Variants in RC3H2 observed in about 807,000 individuals in gnomAD.
RC3H2 encodes the protein ring finger and CCCH-type domains 2.
A neutral mutation model predicts 133.3 loss-of-function variants in RC3H2; 31 were observed. That is an observed-to-expected ratio of 0.23 (90% CI 0.17 to 0.31). RC3H2 has a LOEUF of 0.31. Among genes scored for constraint, RC3H2 ranks in the 10% least tolerant of loss-of-function variants. The probability of loss-of-function intolerance (pLI) is 1.00; values close to 1 mark genes in which losing one functional copy is unlikely to be tolerated. For synonymous variants in RC3H2, 517 were observed against 502.2 expected (o/e 1.03, Z -0.40); for missense variants, 1,175 against 1,437.2 (o/e 0.82, Z 2.95).
At chr9:122,851,002 G>C (rs1394170497) in intron 20 of RC3H2, 79 bp downstream of exon 20, 3 of 1,518,438 alleles carry the variant, frequency 2.0e-6, no homozygotes, top group Non-Finnish European at 2.7e-6. Context: ...ACAGCATAAA[G>C]CCAAAAATTA....
intron 1 of RC3H2, among the ~76,000 whole-genome samples, chr9:122,899,040 G>A (rs1356232454): frequency 7.1e-6 from 1 of 140,510 alleles, no homozygotes; most frequent in Non-Finnish European, 1.5e-5. Context: ...ATAACAGAAA[G>A]TATTCTCAAT....
At chr9:122,860,224 C>G in intron 10 of RC3H2, 93 bp from the exon 11 acceptor site, 1 of 945,918 alleles carries the variant, frequency 1.1e-6, no homozygotes, top group East Asian at 2.5e-5. Context: ...TATTCTGAAA[C>G]CACTAATAGA....
chr9:122,882,178 T>TA lies in RC3H2; in HGVS notation c.759+1025dup, dbSNP rs546745620. On this transcript the variant is annotated intron_variant, in intron 5 of 20. Transcript: ENST00000357244. ...ATAGCTTTAATTTCTACTTAAGTAGTAAAAAAAACTACACATTCAAAAGAT... is the reference window on the plus strand; with the variant it reads ...ATAGCTTTAATTTCTACTTAAGTAGTAAAAAAAAACTACACATTCAAAAGAT... Among the ~76,000 whole-genome samples, 8 of 152,120 alleles carry TA rather than the reference T, an allele frequency of 5.3e-5. No homozygotes were observed. The South Asian group carries it at 1.0e-3, about 20-fold the overall frequency.
Position 122,897,224 on chromosome 9 carries a change from G to T in RC3H2, c.231+55C>A. 3 of 1,533,682 alleles carry T rather than the reference G, an allele frequency of 2.0e-6. No individual in the cohort carries two copies. The South Asian group carries it at 3.5e-5, about 18-fold the overall frequency. ...AGGCTGGACAAGCCGTTAAAATAAT[G>T]GCAAAAATAGTGATTATTTTTGCAC... On this transcript the variant is annotated intron_variant, in intron 2 of 20. Coordinates refer to ENST00000357244, the MANE Select transcript of RC3H2 (RefSeq NM_001100588.3).
intron 9 of RC3H2, among the ~76,000 whole-genome samples, chr9:122,868,568 C>A (rs1185076642): frequency 1.3e-5 from 2 of 151,842 alleles, no homozygotes; most frequent in African/African-American, 4.8e-5. Context: ...GTCATCACCA[C>A]TCCCTAATCT....
intron 8 of RC3H2, among the ~76,000 whole-genome samples, chr9:122,878,445 T>C (rs1588090340): frequency 6.6e-6 from 1 of 152,010 alleles, no homozygotes; most frequent in Non-Finnish European, 1.5e-5. Context: ...TAATTTTTTG[T>C]ATTTTTAGTA....
In RC3H2 at chr9:122,883,395, G is replaced by C. The variant is rs1831734570; in HGVS notation, c.584-16C>G. On this transcript the variant is annotated splice_polypyrimidine_tract_variant and intron_variant, in intron 4 of 20. Coordinates refer to ENST00000357244, the MANE Select transcript of RC3H2 (RefSeq NM_001100588.3). Reference sequence around the variant, plus strand: ...TCTTGCATAGCTAAAAATATTAAAGGAACATGAGTTCATGACAAATGAGGA... The same window carrying C: ...TCTTGCATAGCTAAAAATATTAAAGCAACATGAGTTCATGACAAATGAGGA... The C allele has an allele frequency of 6.3e-7, 1 of 1,577,194 alleles. No individual in the cohort carries two copies. The highest frequency in any genetic ancestry group is 8.6e-7 in the Non-Finnish European group (1 of 1,165,592).
At chr9:122,854,763 T>C in intron 15 of RC3H2, 148 bp from the exon 16 acceptor site, 1 of 644,644 alleles carries the variant, frequency 1.6e-6, no homozygotes, top group Non-Finnish European at 2.8e-6. Flanking sequence ...CCCATGGTTG[T>C]TAAATGGAGG....
chr9:122,891,010 CCATTT>C (rs1832143000), intron 3 of RC3H2, among the ~76,000 whole-genome samples: 1 of 131,776 alleles, frequency 7.6e-6, no homozygotes, highest in Non-Finnish European at 1.6e-5. Flanking sequence ...CAAATCTGCC[CCATTT>C]TTTTTTTTTT....
At chr9:122,895,683 A>G (rs1832387584) in intron 2 of RC3H2, among the ~76,000 whole-genome samples, 2 of 152,224 alleles carry the variant, frequency 1.3e-5, no homozygotes, top group African/African-American at 4.8e-5. Context: ...TCAAATATCA[A>G]GATACTAAAG....
intron 9 of RC3H2, among the ~76,000 whole-genome samples, chr9:122,876,307 A>G (rs952440413): frequency 3.3e-5 from 5 of 152,272 alleles, no homozygotes; most frequent in East Asian, 1.9e-4. Flanking sequence ...TAAAGTATCT[A>G]AAAACAAAAT....
At position 122,849,679 on chromosome 9, in the gene RC3H2, T is replaced by A; in HGVS notation, c.3524A>T (p.Asp1175Val). Reference protein sequence around the residue: ...LILKTHVMSEDKNDFLKPVAN... With the variant: ...LILKTHVMSEVKNDFLKPVAN... ...AACAGGTTTTAAAAAGTCGTTTTTA[T>A]CTTCAGACATAACATGAGTTTTCAG... is the stretch of plus-strand genomic sequence containing the variant. Residue 1175 changes from aspartate (D) to valine (V), a missense_variant, in exon 21 of 21, where the codon GAT becomes GTT. Asp to Val is a radical substitution (Grantham distance 152, BLOSUM62 -3). Transcript: ENST00000357244. 2.5e-6 allele frequency: 4 copies of A among 1,613,678 alleles called. No homozygotes were observed. The highest frequency in any genetic ancestry group is 3.4e-6 in the Non-Finnish European group (4 of 1,179,884).
chr9:122,875,057 A>G, intron 9 of RC3H2: 2 of 1,065,348 alleles, frequency 1.9e-6, no homozygotes, highest in South Asian at 3.3e-5. Flanking sequence ...GCTCTATTTC[A>G]GGTATGGACA....
Position 122,905,331 on chromosome 9 carries a change from C to G in RC3H2, c.-289G>C. On this transcript the variant is annotated 5_prime_UTR_variant, in exon 1 of 21. Transcript: ENST00000357244. ...ACCTCCGCCTCCTCCTCCTCCTCCT[C>G]CTCACCACGGAGGCGGACCTGGAGG... The G allele has an allele frequency of 1.0e-6, 1 of 978,486 alleles. No individual in the cohort carries two copies. The highest frequency in any genetic ancestry group is 1.1e-4 in the East Asian group (1 of 8,760). The allele number at this position is 978,486 out of a possible 1,614,324, so 60.6% of individuals were successfully genotyped here. A position where few individuals can be genotyped will look rare whatever the true frequency, so the allele number is the denominator to read the frequency against.
chr9:122,877,231 A>G (rs1300590179), intron 9 of RC3H2, among the ~76,000 whole-genome samples: 3 of 152,112 alleles, frequency 2.0e-5, no homozygotes, highest in Non-Finnish European at 4.4e-5. Context: ...CACACAGCTA[A>G]TTTTTAAATT....
chr9:122,893,121 A>G, intron 2 of RC3H2, 95 bp from the exon 3 acceptor site: 1 of 1,461,840 alleles, frequency 6.8e-7, no homozygotes, highest in Non-Finnish European at 9.1e-7. Context: ...GGTGAGTATA[A>G]AATTATCATG....
rs187875390 is a variant in RC3H2 at position 122,860,795 on chromosome 9, C to T, written c.1635-664G>A. On this transcript the variant is annotated intron_variant, in intron 10 of 20. Coordinates refer to ENST00000357244, the MANE Select transcript of RC3H2 (RefSeq NM_001100588.3). ...AAATTCTGTTCGACAAGTTCTCAAC[C>T]GAAAAAATATAGTCCATTAGTGGAA... Among the ~76,000 whole-genome samples the T allele has an allele frequency of 2.0e-5, 3 of 151,584 alleles. No homozygotes were observed. In the East Asian group the frequency reaches 5.8e-4, roughly 29 times the overall value.
intron 8 of RC3H2, 105 bp downstream of exon 8, chr9:122,879,650 T>G: frequency 2.7e-6 from 2 of 739,446 alleles, no homozygotes; most frequent in Non-Finnish European, 4.5e-6. Flanking sequence ...GATAGAAACT[T>G]ATGAGTCACA....
rs377598996 is a variant in RC3H2, at chr9:122,892,175, G to A, written c.349+734C>T. ...TTGCCCAGGTTGAGTGCAGTGGCAC[G>A]ATCACAGCTCACTGCAGCCTCAACT... On this transcript the variant is annotated intron_variant, in intron 3 of 20. Transcript: ENST00000357244. 6.6e-5 allele frequency among the ~76,000 whole-genome samples: 10 copies of A among 150,988 alleles called. No homozygotes were observed. In the East Asian group the frequency reaches 1.8e-3, roughly 27 times the overall value.
Sources: gnomAD v4.1 joint callset for allele counts (sites outside exome capture counted in the v4.1 genomes callset) on GRCh38, gnomAD v4.1.1 for gene constraint, MANE v1.5 for transcripts, NCBI Gene and HGNC (gene_info 2026-07-23, HGNC 2026-07-21) for gene names.